BMPR1B: variants seen among roughly 807,000 people sequenced by gnomAD.
BMPR1B encodes the protein bone morphogenetic protein receptor type-1B.
Under a neutral mutation model 59.1 loss-of-function variants are expected in BMPR1B, and 12 were observed. The observed-to-expected ratio is 0.20, with a 90% CI of 0.13 to 0.33. BMPR1B has a LOEUF of 0.33. Ranked by LOEUF, BMPR1B falls within the 10% of genes least tolerant of loss-of-function variation. The pLI, the probability that BMPR1B is intolerant of heterozygous loss-of-function variation, is 1.00. For missense variants in BMPR1B, 550 were observed against 610.9 expected, an observed-to-expected ratio of 0.90 and a Z score of 1.05; for synonymous variants, 237 against 207.3, an observed-to-expected ratio of 1.14 and a Z score of -1.23.
chr4:95,051,768 A>G lies in BMPR1B; in HGVS notation c.-17-52640A>G, dbSNP rs548015278. ...TGCTCATTCTTCTCTCTATGCACAC[A>G]AGGGGTAAGAAGATCAGTGCCCTCC... On this transcript the variant is annotated intron_variant, in intron 3 of 12. Transcript: ENST00000515059. 2.3e-4 allele frequency: 351 copies of G among 1,535,400 alleles called. No individual in the cohort carries two copies. In the African/African-American group the frequency reaches 4.1e-3, roughly 18 times the overall value.
chr4:94,778,131 A>G (rs779253186), intron 1 of BMPR1B, among the ~76,000 whole-genome samples: 2 of 152,196 alleles, frequency 1.3e-5, no homozygotes. Flanking sequence ...TGTACATCCA[A>G]TAGTCAGCTT....
At chr4:94,943,693 T>C (rs1020985068) in intron 2 of BMPR1B, among the ~76,000 whole-genome samples, 2 of 152,224 alleles carry the variant, frequency 1.3e-5, no homozygotes, top group Admixed American at 1.3e-4. Context: ...TTGTTTCTCA[T>C]GCTCTTCGTG....
intron 3 of BMPR1B, among the ~76,000 whole-genome samples, chr4:95,096,749 A>ATATAGTTATATATAACTATG (rs869184678): frequency 0.025 from 446 of 18,116 alleles, 4 homozygotes; most frequent in African/African-American, 0.054. Flanking sequence ...ATATAACTAT[A>ATATAGTTATATATAACTATG]TATAGTTATA....
chr4:94,869,006 A>G (rs1364674018), intron 1 of BMPR1B, among the ~76,000 whole-genome samples: 1 of 151,992 alleles, frequency 6.6e-6, no homozygotes, highest in East Asian at 1.9e-4. Context: ...GACAGGGCTT[A>G]AACAGTCAAA....
intron 1 of BMPR1B, among the ~76,000 whole-genome samples, chr4:94,865,832 G>GA (rs1726209159): frequency 6.6e-6 from 1 of 152,088 alleles, no homozygotes; most frequent in African/African-American, 2.4e-5. Flanking sequence ...CAGACTCATT[G>GA]AAAAACATTT....
chr4:95,047,681 A>G (rs1284372816), intron 3 of BMPR1B, among the ~76,000 whole-genome samples: 1 of 152,250 alleles, frequency 6.6e-6, no homozygotes, highest in Non-Finnish European at 1.5e-5. Flanking sequence ...GCTCTGCTTC[A>G]TGGAGCGAGA....
intron 3 of BMPR1B, among the ~76,000 whole-genome samples, chr4:95,007,186 T>C (rs937951657): frequency 9.2e-5 from 14 of 152,222 alleles, no homozygotes; most frequent in African/African-American, 3.4e-4. Context: ...ATCCATGCTA[T>C]ACTCTGGAAT....
At chr4:95,082,637 C>T (rs1162567718) in intron 3 of BMPR1B, among the ~76,000 whole-genome samples, 8 of 152,060 alleles carry the variant, frequency 5.3e-5, no homozygotes, top group African/African-American at 1.9e-4. Context: ...TGCTTAAGGT[C>T]CCAAATAGTA....
chr4:95,017,348 C>T (rs903363224), intron 3 of BMPR1B, among the ~76,000 whole-genome samples: 7 of 152,162 alleles, frequency 4.6e-5, no homozygotes, highest in Admixed American at 2.6e-4. Flanking sequence ...GACTTTGATC[C>T]CATAGCCACT....
At chr4:94,989,429 T>G (rs751481368) in intron 2 of BMPR1B, among the ~76,000 whole-genome samples, 1 of 151,706 alleles carries the variant, frequency 6.6e-6, no homozygotes, top group Non-Finnish European at 1.5e-5. Flanking sequence ...ACTACTTAGC[T>G]TCTTGATTTC....
At chr4:94,961,514 C>T (rs548542231) in intron 2 of BMPR1B, among the ~76,000 whole-genome samples, 1 of 152,066 alleles carries the variant, frequency 6.6e-6, no homozygotes, top group East Asian at 1.9e-4. Context: ...CATATTTTTG[C>T]CTCATATTTA....
chr4:95,127,086 C>CT (rs1030668845), intron 8 of BMPR1B, among the ~76,000 whole-genome samples: 5 of 89,558 alleles, frequency 5.6e-5, no homozygotes, highest in Non-Finnish European at 1.4e-4. Context: ...TGTATGTCTT[C>CT]TCACAGTCCT....
rs183124342 is a variant in BMPR1B, at chr4:95,132,623, T to G, written c.1076+1111T>G. On this transcript the variant is annotated intron_variant, in intron 10 of 12. Coordinates refer to ENST00000515059, the MANE Select transcript of BMPR1B (RefSeq NM_001203.3). Reference sequence around the variant, plus strand: ...AAATCCTTTCTCCCTTCTGATTTTTTTTTCCTCTGACCTACAACCCTTTTC... The same window carrying G: ...AAATCCTTTCTCCCTTCTGATTTTTGTTTCCTCTGACCTACAACCCTTTTC... 2.1e-3 allele frequency among the ~76,000 whole-genome samples: 327 copies of G among 152,160 alleles called. 1 individual carries two copies. Among genetic ancestry groups the G allele is most frequent in the Non-Finnish European group, 3.4e-3 (228 of 67,996 alleles).
At chr4:94,907,354 A>C (rs1214975685) in intron 2 of BMPR1B, among the ~76,000 whole-genome samples, 1 of 152,106 alleles carries the variant, frequency 6.6e-6, no homozygotes, top group African/African-American at 2.4e-5. Context: ...AAAGGGAATC[A>C]TGCTATGTTA....
intron 3 of BMPR1B, among the ~76,000 whole-genome samples, chr4:95,006,772 T>C (rs1161100641): frequency 1.3e-5 from 2 of 151,954 alleles, no homozygotes; most frequent in African/African-American, 4.8e-5. Flanking sequence ...TACTCCTGAC[T>C]TCGTGATCCA....
intron 2 of BMPR1B, among the ~76,000 whole-genome samples, chr4:94,950,726 A>G (rs1729900865): frequency 6.6e-6 from 1 of 152,174 alleles, no homozygotes; most frequent in South Asian, 2.1e-4. Flanking sequence ...AGGTAGCATG[A>G]TGCCTCCAGT....
At chr4:95,140,931 C>G (rs1204719847) in intron 10 of BMPR1B, among the ~76,000 whole-genome samples, 1 of 152,150 alleles carries the variant, frequency 6.6e-6, no homozygotes, top group East Asian at 1.9e-4. Context: ...AAATTTCATA[C>G]AAACCCTGAT....
chr4:94,958,290 G>C (rs2149063263), intron 2 of BMPR1B, among the ~76,000 whole-genome samples: 1 of 152,286 alleles, frequency 6.6e-6, no homozygotes, highest in Admixed American at 6.5e-5. Flanking sequence ...GTAAGACATT[G>C]TATATACTGT....
At chr4:94,805,000 T>C (rs974364978) in intron 1 of BMPR1B, among the ~76,000 whole-genome samples, 3 of 152,232 alleles carry the variant, frequency 2.0e-5, no homozygotes, top group African/African-American at 7.2e-5. Flanking sequence ...TGTACACTTT[T>C]CTGGAGTAAT....
Sources: allele counts gnomAD v4.1 joint callset (sites outside exome capture counted in the v4.1 genomes callset), GRCh38; gene constraint gnomAD v4.1.1; transcripts MANE v1.5; gene names NCBI Gene and HGNC (gene_info 2026-07-23, HGNC 2026-07-21).